The following MSI2 variants were observed in gnomAD, a reference collection of about 807,000 sequenced individuals.
MSI2 encodes the protein musashi RNA binding protein 2, also known as RNA-binding protein Musashi homolog 2.
MSI2 carries 17 observed loss-of-function variants against 45.6 expected under a neutral mutation model. That is an observed-to-expected ratio of 0.37 (90% CI 0.26 to 0.56). The LOEUF is 0.56. Among genes scored for constraint, MSI2 ranks in the 20% least tolerant of loss-of-function variants. MSI2 has a pLI of 0.77. For missense variants in MSI2, 293 were observed against 444.2 expected (o/e 0.66, Z 3.06); for synonymous variants, 156 against 158.2 (o/e 0.99, Z 0.11).
chr17:57,435,822 C>T lies in MSI2; in HGVS notation c.405+34351C>T, dbSNP rs528024050. Among the ~76,000 whole-genome samples the T allele has an allele frequency of 3.4e-4, 52 of 152,222 alleles. No homozygotes were observed. The East Asian group carries it at 6.2e-3, about 18-fold the overall frequency. On this transcript the variant is annotated intron_variant, in intron 6 of 13. Coordinates refer to ENST00000284073, the MANE Select transcript of MSI2 (RefSeq NM_138962.4). Reference sequence around the variant, plus strand: ...GGATTCATGTTTTATGTGAAATTGTCGGAGGGGTAGGGGGTAAGCCCATCC... The same window carrying T: ...GGATTCATGTTTTATGTGAAATTGTTGGAGGGGTAGGGGGTAAGCCCATCC...
chr17:57,635,349 G>A (rs1909755885), intron 10 of MSI2, among the ~76,000 whole-genome samples: 1 of 152,250 alleles, frequency 6.6e-6, no homozygotes, highest in South Asian at 2.1e-4. Context: ...TGGAGAAGTG[G>A]GAGGCCATGA....
chr17:57,701,031 G>A, the MSI2 span, among the ~76,000 whole-genome samples: 2 of 152,158 alleles, frequency 1.3e-5, no homozygotes, highest in Non-Finnish European at 2.9e-5. Flanking sequence ...TGTCCTCCCC[G>A]GAAAAGGCCC....
chr17:57,411,137 T>C (rs2084188141), intron 6 of MSI2, among the ~76,000 whole-genome samples: 1 of 152,168 alleles, frequency 6.6e-6, no homozygotes, highest in Non-Finnish European at 1.5e-5. Context: ...CCCAAGTAGC[T>C]AGGACTACAG....
intron 7 of MSI2, among the ~76,000 whole-genome samples, chr17:57,594,117 A>G (rs1217217514): frequency 1.3e-5 from 2 of 152,202 alleles, no homozygotes; most frequent in Admixed American, 1.3e-4. Context: ...GGTGTGTGTT[A>G]GGGGCCCTGT....
At chr17:57,462,402 T>G (rs1369497032) in intron 6 of MSI2, among the ~76,000 whole-genome samples, 1 of 152,206 alleles carries the variant, frequency 6.6e-6, no homozygotes, top group Non-Finnish European at 1.5e-5. Context: ...CTCCTTTCTT[T>G]GCCTTTCCAG....
intron 6 of MSI2, among the ~76,000 whole-genome samples, chr17:57,472,075 G>T (rs868006469): frequency 1.3e-5 from 2 of 152,182 alleles, no homozygotes; most frequent in African/African-American, 4.8e-5. Flanking sequence ...AGGGGGCGAG[G>T]GTGAGAGGCT....
At chr17:57,338,794 G>A (rs536696285) in intron 5 of MSI2, among the ~76,000 whole-genome samples, 384 of 152,322 alleles carry the variant, frequency 2.5e-3, no homozygotes, top group Non-Finnish European at 4.3e-3. Context: ...AGCAGCTCAC[G>A]CAGGGACTGC....
intron 5 of MSI2, among the ~76,000 whole-genome samples, chr17:57,366,034 C>A (rs955310725): frequency 6.6e-6 from 1 of 152,094 alleles, no homozygotes; most frequent in Non-Finnish European, 1.5e-5. Flanking sequence ...CCACCTCAAC[C>A]TCCCGAATAG....
At chr17:57,474,095 G>A (rs114667301) in intron 6 of MSI2, among the ~76,000 whole-genome samples, 2 of 152,052 alleles carry the variant, frequency 1.3e-5, no homozygotes, top group East Asian at 1.9e-4. Flanking sequence ...GAACTCTCAC[G>A]CGAAGTTGGG....
At chr17:57,595,957 T>A (rs2144449633) in intron 7 of MSI2, among the ~76,000 whole-genome samples, 1 of 152,326 alleles carries the variant, frequency 6.6e-6, no homozygotes, top group East Asian at 1.9e-4. Flanking sequence ...TCCCCATCAG[T>A]GTGTCTGCCC....
chr17:57,563,684 ACTGT>A (rs369283545), intron 7 of MSI2, among the ~76,000 whole-genome samples: 65 of 145,066 alleles, frequency 4.5e-4, no homozygotes, highest in East Asian at 1.4e-3. Flanking sequence ...TTAGTGGCTG[ACTGT>A]CTGTCTGTCT....
chr17:57,326,329 C>T (rs1359620522), intron 5 of MSI2, among the ~76,000 whole-genome samples: 2 of 152,078 alleles, frequency 1.3e-5, no homozygotes, highest in African/African-American at 4.8e-5. Flanking sequence ...GGTTTGATCA[C>T]AGGTGCTGTT....
intron 9 of MSI2, among the ~76,000 whole-genome samples, chr17:57,622,670 G>A (rs867960376): frequency 3.9e-5 from 6 of 151,976 alleles, no homozygotes; most frequent in South Asian, 4.2e-4. Flanking sequence ...AAAAAGTATC[G>A]TTAAGAACAG....
chr17:57,595,258 T>G (rs1905159828), intron 7 of MSI2, among the ~76,000 whole-genome samples: 1 of 152,092 alleles, frequency 6.6e-6, no homozygotes, highest in Admixed American at 6.5e-5. Flanking sequence ...GCTCATTGAC[T>G]GGAAACACAA....
intron 6 of MSI2, among the ~76,000 whole-genome samples, chr17:57,418,323 G>A (rs147600245): frequency 1.3e-5 from 2 of 152,192 alleles, no homozygotes; most frequent in Admixed American, 6.5e-5. Flanking sequence ...AAACTTTAGG[G>A]GCATGGCTAT....
At chr17:57,362,493 C>T (rs570902624) in intron 5 of MSI2, among the ~76,000 whole-genome samples, 1 of 152,248 alleles carries the variant, frequency 6.6e-6, no homozygotes, top group Admixed American at 6.5e-5. Flanking sequence ...TCTGTTTGCC[C>T]AGTGAGTTTA....
At position 57,350,212 on chromosome 17, in the gene MSI2, T is replaced by C. The variant is rs186756283; in HGVS notation, c.313-51167T>C. Among the ~76,000 whole-genome samples, 5 of 127,874 alleles carry C rather than the reference T, an allele frequency of 3.9e-5. No homozygotes were observed. The East Asian group carries it at 1.0e-3, about 26-fold the overall frequency. 83.9% of individuals were successfully genotyped at this position (127,874 alleles called of 152,430 possible). ...ATGCTCCAAAGCCTATTGTTAACAGTGCCAGAGGTAGGGGTGTGTGTGTGT... is the reference window on the plus strand; with the variant it reads ...ATGCTCCAAAGCCTATTGTTAACAGCGCCAGAGGTAGGGGTGTGTGTGTGT... On this transcript the variant is annotated intron_variant, in intron 5 of 13. Coordinates refer to ENST00000284073, the MANE Select transcript of MSI2 (RefSeq NM_138962.4).
chr17:57,401,138 G>A (rs2083982288), intron 5 of MSI2, among the ~76,000 whole-genome samples: 2 of 152,268 alleles, frequency 1.3e-5, no homozygotes, highest in South Asian at 4.1e-4. Context: ...GGCTAATGAG[G>A]TTCTGAAGTC....
intron 7 of MSI2, among the ~76,000 whole-genome samples, chr17:57,580,918 T>C (rs964269340): frequency 7.3e-5 from 11 of 150,996 alleles, no homozygotes; most frequent in African/African-American, 2.7e-4. Context: ...ATAAAATCTT[T>C]ATATAAAAAC....
Sources: allele counts gnomAD v4.1 joint callset (sites outside exome capture counted in the v4.1 genomes callset), GRCh38; gene constraint gnomAD v4.1.1; transcripts MANE v1.5; gene names NCBI Gene and HGNC (gene_info 2026-07-23, HGNC 2026-07-21).